Variants in WWOX observed in about 807,000 individuals in gnomAD.
WWOX encodes WW domain containing oxidoreductase.
In WWOX, 69 loss-of-function variants were observed where a neutral mutation model predicts 46.2. The observed-to-expected ratio is 1.49, with a 90% CI of 1.23 to 1.82. The LOEUF (loss-of-function observed/expected upper bound fraction) is 1.82. Among genes scored for constraint, WWOX ranks in the 40% most tolerant of loss-of-function variants. WWOX has a pLI of 0.00. For missense variants in WWOX, 919 were observed against 542.6 expected, an observed-to-expected ratio of 1.69 and a Z score of -6.89; for synonymous variants, 359 against 202.6, an observed-to-expected ratio of 1.77 and a Z score of -6.56.
At chr16:78,412,040 G>T (rs1242555091) in intron 6 of WWOX, among the ~76,000 whole-genome samples, 1 of 152,170 alleles carries the variant, frequency 6.6e-6, no homozygotes, top group African/African-American at 2.4e-5. Flanking sequence ...AGATGTGAGG[G>T]TGCCCTCCAG....
chr16:78,426,101 A>G (rs1386760820), intron 7 of WWOX, among the ~76,000 whole-genome samples: 1 of 152,164 alleles, frequency 6.6e-6, no homozygotes, highest in African/African-American at 2.4e-5. Flanking sequence ...GGCTGAAATG[A>G]AAGGTAAATG....
chr16:78,287,564 T>C (rs2079789801), intron 5 of WWOX, among the ~76,000 whole-genome samples: 1 of 152,168 alleles, frequency 6.6e-6, no homozygotes, highest in African/African-American at 2.4e-5. Context: ...GCTTTTTTTT[T>C]CCTTTTAAAT....
rs541036951 is a variant in WWOX at position 79,109,773 on chromosome 16, T to C, written c.1057-101835T>C. ...GAATTATCTGAGCGTTCGCATCAGA[T>C]AACTAGGAAGAAATCAGAGTCATTT... On this transcript the variant is annotated intron_variant, in intron 8 of 8. Coordinates refer to ENST00000566780, the MANE Select transcript of WWOX (RefSeq NM_016373.4). 9.8e-5 allele frequency among the ~76,000 whole-genome samples: 15 copies of C among 152,328 alleles called. No individual in the cohort carries two copies. The South Asian group carries it at 3.1e-3, about 32-fold the overall frequency.
At chr16:78,212,102 C>G (rs746951490) in intron 5 of WWOX, among the ~76,000 whole-genome samples, 1 of 152,122 alleles carries the variant, frequency 6.6e-6, no homozygotes, top group African/African-American at 2.4e-5. Context: ...AATGCAGGGC[C>G]GGGAACTGCC....
intron 8 of WWOX, among the ~76,000 whole-genome samples, chr16:78,813,919 G>T (rs2051263058): frequency 6.6e-6 from 1 of 152,142 alleles, no homozygotes; most frequent in Non-Finnish European, 1.5e-5. Flanking sequence ...AGAAAATGTA[G>T]AGGCCCCAGT....
chr16:79,098,402 A>T, intron 8 of WWOX, among the ~76,000 whole-genome samples: 1 of 152,238 alleles, frequency 6.6e-6, no homozygotes, highest in East Asian at 1.9e-4. Context: ...CCAGCAGAAG[A>T]AAGCCCATTA....
intron 4 of WWOX, among the ~76,000 whole-genome samples, chr16:78,145,341 A>G (rs182365986): frequency 6.6e-6 from 1 of 152,208 alleles, no homozygotes; most frequent in South Asian, 2.1e-4. Flanking sequence ...AGAGAAGCCG[A>G]TAGTGTAGCC....
At chr16:78,375,098 C>T (rs1465697243) in intron 5 of WWOX, among the ~76,000 whole-genome samples, 1 of 152,194 alleles carries the variant, frequency 6.6e-6, no homozygotes, top group African/African-American at 2.4e-5. Context: ...AAAATATTTT[C>T]CAGTTTATCT....
In WWOX at chr16:78,169,432, C is replaced by G. The variant is rs111434963; in HGVS notation, c.516+5143C>G. Among the ~76,000 whole-genome samples the G allele has an allele frequency of 5.8e-3, 875 of 150,072 alleles. 10 individuals are homozygous for G. The highest frequency in any genetic ancestry group is 0.02 in the African/African-American group (820 of 40,558). ...CTTCTGTTGCTTTATTTCTCGGGGT[C>G]TGGCATATCCCACTCCCTGTCTTGA... On this transcript the variant is annotated intron_variant, in intron 5 of 8. Transcript: ENST00000566780.
At chr16:78,589,561 C>G (rs1316209680) in intron 8 of WWOX, among the ~76,000 whole-genome samples, 1 of 152,162 alleles carries the variant, frequency 6.6e-6, no homozygotes, top group Non-Finnish European at 1.5e-5. Context: ...CAGCGCCTCC[C>G]TAATGAACTC....
chr16:79,057,386 C>T (rs760994271), intron 8 of WWOX, among the ~76,000 whole-genome samples: 7 of 152,176 alleles, frequency 4.6e-5, no homozygotes, highest in East Asian at 1.9e-4. Flanking sequence ...TGTAATTCAC[C>T]GGCCATAGCA....
At chr16:78,825,111 G>A (rs144229082) in intron 8 of WWOX, among the ~76,000 whole-genome samples, 4 of 152,042 alleles carry the variant, frequency 2.6e-5, no homozygotes, top group East Asian at 1.9e-4. Flanking sequence ...GCCGGCACTC[G>A]GGGAGGTCAA....
chr16:78,809,562 G>A (rs2051134441), intron 8 of WWOX, among the ~76,000 whole-genome samples: 1 of 152,210 alleles, frequency 6.6e-6, no homozygotes, highest in South Asian at 2.1e-4. Context: ...GTAGAAGTTA[G>A]CCTTTATTTT....
chr16:78,649,464 G>C (rs1025870590), intron 8 of WWOX, among the ~76,000 whole-genome samples: 40 of 151,850 alleles, frequency 2.6e-4, no homozygotes, highest in African/African-American at 9.2e-4. Flanking sequence ...AAAAAAAATG[G>C]TGGGGTATTA....
At chr16:78,475,221 A>G (rs1001607629) in intron 8 of WWOX, among the ~76,000 whole-genome samples, 4 of 152,152 alleles carry the variant, frequency 2.6e-5, no homozygotes, top group African/African-American at 9.7e-5. Flanking sequence ...GACATCATTG[A>G]TTTCTCTGAT....
intron 8 of WWOX, among the ~76,000 whole-genome samples, chr16:79,211,057 G>GTGTGTGTGTC (rs1555547735): frequency 6.0e-5 from 9 of 150,642 alleles, no homozygotes; most frequent in African/African-American, 2.2e-4. Context: ...GTGTGTGTGT[G>GTGTGTGTGTC]CATTAAATGT....
At chr16:79,104,606 CAGAT>C (rs2049270345) in intron 8 of WWOX, among the ~76,000 whole-genome samples, 1 of 152,096 alleles carries the variant, frequency 6.6e-6, no homozygotes, top group Non-Finnish European at 1.5e-5. Flanking sequence ...AGTGTTGAGG[CAGAT>C]AGATGCACAT....
At chr16:78,801,053 A>G (rs1461204591) in intron 8 of WWOX, among the ~76,000 whole-genome samples, 1 of 145,582 alleles carries the variant, frequency 6.9e-6, no homozygotes, top group Non-Finnish European at 1.5e-5. Flanking sequence ...TTCTCTCTCT[A>G]CCTCTTTTTT....
chr16:78,849,766 C>T (rs1262649515), intron 8 of WWOX, among the ~76,000 whole-genome samples: 1 of 151,380 alleles, frequency 6.6e-6, no homozygotes, highest in African/African-American at 2.4e-5. Context: ...GCCAAAGGAC[C>T]CATAAAAAAT....
Sources: gnomAD v4.1 joint callset for allele counts (sites outside exome capture counted in the v4.1 genomes callset) on GRCh38, gnomAD v4.1.1 for gene constraint, MANE v1.5 for transcripts, NCBI Gene and HGNC (gene_info 2026-07-23, HGNC 2026-07-21) for gene names.